The following SMG9 variants were observed in gnomAD, a reference collection of about 807,000 sequenced individuals.
SMG9 encodes the protein nonsense-mediated mRNA decay factor SMG9.
A neutral mutation model predicts 64.0 loss-of-function variants in SMG9; 55 were observed. That is an observed-to-expected ratio of 0.86 (90% confidence interval 0.69 to 1.08). The LOEUF is 1.08. Ranked by LOEUF, SMG9 falls within the 50% of genes least tolerant of loss-of-function variation. The probability of loss-of-function intolerance (pLI) is 0.00; values close to 1 mark genes in which losing one functional copy is unlikely to be tolerated. For synonymous variants in SMG9, 244 were observed against 254.8 expected (o/e 0.96, Z 0.41); for missense variants, 554 against 681.3 (o/e 0.81, Z 2.08).
At chr19:43,744,914 A>AGACTTGTCAG in intron 5 of SMG9, 30 bp from the exon 6 acceptor site, 1 of 1,567,120 alleles carries the variant, frequency 6.4e-7, no homozygotes, top group Non-Finnish European at 8.8e-7. Flanking sequence ...TGACTCTGAC[A>AGACTTGTCAG]AGTCTGTCAG....
intron 5 of SMG9, 97 bp downstream of exon 5, chr19:43,747,345 C>T: frequency 8.2e-7 from 1 of 1,226,668 alleles, no homozygotes; most frequent in African/African-American, 1.5e-5. Context: ...CTGTAAGTTG[C>T]CTCAAAACCC....
intron 13 of SMG9, 127 bp from the exon 14 acceptor site, chr19:43,731,801 C>A (rs78670995): frequency 8.9e-7 from 1 of 1,126,076 alleles, no homozygotes; most frequent in East Asian, 2.6e-5. Context: ...CTCTTGGAAC[C>A]CAATCTCCTC....
intron 12 of SMG9, 124 bp from the exon 13 acceptor site, chr19:43,733,126 CTA>C (rs2146358283): frequency 7.4e-7 from 1 of 1,344,964 alleles, no homozygotes; most frequent in Admixed American, 2.6e-5. Context: ...TCCTGTACTT[CTA>C]TGACTCTGAA....
chr19:43,752,997 C>T (rs1163715502), intron 1 of SMG9, among the ~76,000 whole-genome samples: 1 of 151,836 alleles, frequency 6.6e-6, no homozygotes, highest in Non-Finnish European at 1.5e-5. Context: ...ATGAATCCTC[C>T]CCTGCCCCAC....
In SMG9 at chr19:43,733,613, T is replaced by G. The variant is rs745541396; in HGVS notation, c.1210+13A>C. On this transcript the variant is annotated intron_variant, in intron 11 of 13. Transcript: ENST00000270066. ...AGGCTGACTAGCTTGGGGGGTGATG[T>G]GGGAACCCTTACCCTTGTAACGCAG... 6.2e-7 allele frequency: 1 copy of G among 1,613,440 alleles called. No individual in the cohort carries two copies. The highest frequency in any genetic ancestry group is 8.5e-7 in the Non-Finnish European group (1 of 1,179,448).
At chr19:43,749,624 A>G (rs542401580) in intron 2 of SMG9, among the ~76,000 whole-genome samples, 4 of 152,358 alleles carry the variant, frequency 2.6e-5, no homozygotes, top group African/African-American at 9.6e-5. Context: ...TTTATAGCTC[A>G]GAAGCTGGCC....
chr19:43,733,049 CT>C, intron 12 of SMG9, 47 bp from the exon 13 acceptor site: 1 of 1,556,272 alleles, frequency 6.4e-7, no homozygotes, highest in Non-Finnish European at 8.7e-7. Context: ...CTGCCAGGGT[CT>C]TTCTCCCAGT....
intron 2 of SMG9, chr19:43,748,756 A>G (rs533938745): frequency 1.9e-6 from 1 of 520,162 alleles, no homozygotes; most frequent in African/African-American, 1.9e-5. Context: ...ACCTCATGAG[A>G]GTCTTGACCC....
At chr19:43,745,776 C>T (rs754293883) in intron 5 of SMG9, among the ~76,000 whole-genome samples, 1 of 151,974 alleles carries the variant, frequency 6.6e-6, no homozygotes, top group African/African-American at 2.4e-5. Context: ...CCGAGGCAGG[C>T]GGATCACCTG....
chr19:43,728,502 G>A lies in SMG9; in HGVS notation c.*3094C>T, dbSNP rs1443584515. On this transcript the variant is annotated 3_prime_UTR_variant, in exon 14 of 14. Coordinates refer to ENST00000270066, the MANE Select transcript of SMG9 (RefSeq NM_019108.4). ...TTCTTTATAAATTACCCAGTCTCAG[G>A]TATTTCCTTACAGCAATGCAAGAAC... 1 of 152,256 alleles carries A rather than the reference G, an allele frequency of 6.6e-6. No individual in the cohort carries two copies. The highest frequency in any genetic ancestry group is 1.5e-5 in the Non-Finnish European group (1 of 68,100). The allele number at this position is 152,256 out of a possible 1,614,324, so 9.4% of individuals were successfully genotyped here.
chr19:43,737,600 T>C lies in SMG9; in HGVS notation c.992A>G (p.Tyr331Cys). ...VQDWFTDLSL[Y>C]RFLQTAEMVK... ...CTCCAACCCCTCAGCTCCTCACCTG[T>C]AGAGACTGAGGTCTGTGAACCAGTC... The change falls in exon 9 of 14, where the codon TAC becomes TGC. Residue 331 changes from tyrosine to cysteine, a missense_variant. Tyr to Cys is a radical substitution (Grantham distance 194). Transcript: ENST00000270066. 1 of 1,613,282 alleles carries C rather than the reference T, an allele frequency of 6.2e-7. No homozygotes were observed. The highest frequency in any genetic ancestry group is 8.5e-7 in the Non-Finnish European group (1 of 1,179,542).
intron 5 of SMG9, 37 bp downstream of exon 5, chr19:43,747,405 T>C (rs753733869): frequency 5.0e-6 from 8 of 1,593,942 alleles, no homozygotes; most frequent in Non-Finnish European, 6.9e-6. Flanking sequence ...GGATGCAGGA[T>C]GTGCGGAAGC....
chr19:43,744,407 G>C (rs981831210), intron 6 of SMG9, among the ~76,000 whole-genome samples: 1 of 152,182 alleles, frequency 6.6e-6, no homozygotes, highest in Non-Finnish European at 1.5e-5. Context: ...CTGGACAGGG[G>C]ATACGGGAAA....
Position 43,747,996 on chromosome 19 carries a change from T to G in SMG9, c.207A>C (p.Ser69=). The change falls in exon 3 of 14, where the codon TCA becomes TCC. Residue 69 remains serine (S), a synonymous_variant. Coordinates refer to ENST00000270066, the MANE Select transcript of SMG9 (RefSeq NM_019108.4). ...SVMQKTPIIL[S]KPPAERSKQP... ...TGCTCACCCGCTCTGCTGGAGGTTT[T>G]GAGAGGATGATGGGGGTTTTCTGCA... The G allele has an allele frequency of 6.2e-7, 1 of 1,614,106 alleles. No homozygotes were observed. Among genetic ancestry groups the G allele is most frequent in the Middle Eastern group, 1.6e-4 (1 of 6,062 alleles).
chr19:43,752,916 A>AAAAAAAAAAAAAAAAAAG (rs1433797448), intron 1 of SMG9, among the ~76,000 whole-genome samples: 1 of 148,758 alleles, frequency 6.7e-6, no homozygotes, highest in African/African-American at 2.5e-5. Flanking sequence ...AAAAAAAAAA[A>AAAAAAAAAAAAAAAAAAG]GCAGAACCCT....
intron 11 of SMG9, 37 bp from the exon 12 acceptor site, chr19:43,733,489 T>C: frequency 6.2e-7 from 1 of 1,613,286 alleles, no homozygotes; most frequent in East Asian, 2.2e-5. Flanking sequence ...AGGTACCATG[T>C]TGTGGGTTTG....
intron 2 of SMG9, chr19:43,748,596 C>T (rs1969100338): frequency 2.0e-6 from 1 of 512,086 alleles, no homozygotes; most frequent in African/African-American, 1.9e-5. Flanking sequence ...CTATCCTGAT[C>T]ACCTCTGCCT....
chr19:43,753,896 CA>C (rs1396159674), intron 1 of SMG9, among the ~76,000 whole-genome samples: 12 of 147,346 alleles, frequency 8.1e-5, no homozygotes, highest in African/African-American at 3.1e-4. Flanking sequence ...GCCTGGGCGA[CA>C]GAGCGAGACT....
At chr19:43,740,283 T>C in intron 6 of SMG9, 65 bp from the exon 7 acceptor site, 5 of 1,127,192 alleles carry the variant, frequency 4.4e-6, no homozygotes, top group Non-Finnish European at 6.8e-6. Flanking sequence ...GCATCCGAAG[T>C]GTGACCCTGT....
Sources: gnomAD v4.1 joint callset for allele counts (sites outside exome capture counted in the v4.1 genomes callset) on GRCh38, gnomAD v4.1.1 for gene constraint, MANE v1.5 for transcripts, NCBI Gene and HGNC (gene_info 2026-07-23, HGNC 2026-07-21) for gene names.